Variants in PARD3B observed in about 807,000 individuals in gnomAD.
PARD3B encodes par-3 family cell polarity regulator beta, also known as partitioning defective 3 homolog B.
Under a neutral mutation model 130.2 loss-of-function variants are expected in PARD3B, and 103 were observed. The ratio of observed to expected loss-of-function variants is 0.79; its 90% CI spans 0.67 to 0.93. The LOEUF (loss-of-function observed/expected upper bound fraction) is 0.93, where lower values mean the gene tolerates loss of function less well. PARD3B is among the 40% of genes least tolerant of loss of function. PARD3B has a pLI of 0.00. For synonymous variants in PARD3B, 583 were observed against 553.2 expected (o/e 1.05, Z -0.76); for missense variants, 1,609 against 1,499.2 (o/e 1.07, Z -1.21).
intron 16 of PARD3B, among the ~76,000 whole-genome samples, chr2:205,248,806 ACCATGTTAG>A (rs1275468364): frequency 6.6e-6 from 1 of 150,744 alleles, no homozygotes; most frequent in Non-Finnish European, 1.5e-5. Flanking sequence ...ACAAGGTTTC[ACCATGTTAG>A]CCAGGATGGT....
intron 2 of PARD3B, among the ~76,000 whole-genome samples, chr2:204,716,338 A>C (rs2038724094): frequency 1.3e-5 from 2 of 152,050 alleles, no homozygotes; most frequent in Admixed American, 1.3e-4. Context: ...GGACCTACCA[A>C]ATCAGAATCT....
At chr2:205,199,280 T>C (rs574669129) in intron 15 of PARD3B, among the ~76,000 whole-genome samples, 31 of 152,124 alleles carry the variant, frequency 2.0e-4, no homozygotes, top group African/African-American at 6.7e-4. Context: ...AAGGAAAAAC[T>C]ACCAAAAGGA....
At position 205,421,084 on chromosome 2, in the gene PARD3B, T is replaced by A. The variant is rs975307811; in HGVS notation, c.2742-19286T>A. On this transcript the variant is annotated intron_variant, in intron 19 of 22. Coordinates refer to ENST00000406610, the MANE Select transcript of PARD3B (RefSeq NM_001302769.2). The surrounding 1 kb of genome is among the most constrained non-coding windows in gnomAD (Gnocchi z 5.1). ...TGAACCCGGAGGGAGTGAGCCAAGG[T>A]CATGCCACTACACTCCAGCCTGGTA... is the stretch of plus-strand genomic sequence containing the variant. 2.0e-5 allele frequency among the ~76,000 whole-genome samples: 3 copies of A among 151,908 alleles called. No homozygotes were observed. Among genetic ancestry groups the A allele is most frequent in the African/African-American group, 7.3e-5 (3 of 41,304 alleles).
chr2:205,101,005 T>TA (rs1702744077), intron 4 of PARD3B, among the ~76,000 whole-genome samples: 1 of 152,166 alleles, frequency 6.6e-6, no homozygotes, highest in South Asian at 2.1e-4. Context: ...TTCGTTAACA[T>TA]AAAAAACTTT....
chr2:204,799,819 T>TC lies in PARD3B; in HGVS notation c.222+113541dup, dbSNP rs147883438. Among the ~76,000 whole-genome samples the TC allele has an allele frequency of 0.013, 1,931 of 152,222 alleles. 41 individuals carry two copies. The highest frequency in any genetic ancestry group is 0.044 in the African/African-American group (1,832 of 41,532). The stretch of plus-strand genomic sequence containing the variant: ...GCCATAGTATTATTGGACTGAGGGT[T>TC]CCCCAAATGCAGATATGGCTGCAGT... On this transcript the variant is annotated intron_variant, in intron 2 of 22. Transcript: ENST00000406610. This position sits in a 1 kb window ranked among gnomAD's most constrained non-coding sequence, Gnocchi z 4.1.
chr2:205,317,222 G>A (rs749052901), intron 18 of PARD3B, among the ~76,000 whole-genome samples: 2 of 152,190 alleles, frequency 1.3e-5, no homozygotes, highest in African/African-American at 2.4e-5. Flanking sequence ...TTCTGTAACT[G>A]CCTTCTTGAA....
At chr2:205,503,227 G>A (rs192073902) in intron 21 of PARD3B, among the ~76,000 whole-genome samples, 2 of 152,164 alleles carry the variant, frequency 1.3e-5, no homozygotes, top group Admixed American at 1.3e-4. Flanking sequence ...CAAACAAAAT[G>A]GAACAATAAT....
At chr2:205,422,283 C>T (rs1356442743) in intron 19 of PARD3B, among the ~76,000 whole-genome samples, 1 of 152,124 alleles carries the variant, frequency 6.6e-6, no homozygotes, top group East Asian at 1.9e-4. Flanking sequence ...TGGCATAAGC[C>T]AGAGTCACAG....
intron 18 of PARD3B, among the ~76,000 whole-genome samples, chr2:205,363,817 A>T: frequency 6.9e-6 from 1 of 145,394 alleles, no homozygotes; most frequent in Non-Finnish European, 1.5e-5. Flanking sequence ...GGCATGCGCC[A>T]CAACGCCTGA....
At chr2:205,597,582 T>C (rs534166837) in intron 22 of PARD3B, among the ~76,000 whole-genome samples, 1 of 152,228 alleles carries the variant, frequency 6.6e-6, no homozygotes, top group South Asian at 2.1e-4. Flanking sequence ...TTCAGTCTTC[T>C]TTGAGAAATC....
intron 2 of PARD3B, among the ~76,000 whole-genome samples, chr2:204,910,709 G>A (rs1049959093): frequency 6.6e-6 from 1 of 152,014 alleles, no homozygotes; most frequent in Non-Finnish European, 1.5e-5. Context: ...GCGTGATCTC[G>A]GCTCACTGCA....
At chr2:204,933,920 C>T (rs1688216920) in intron 2 of PARD3B, among the ~76,000 whole-genome samples, 1 of 152,204 alleles carries the variant, frequency 6.6e-6, no homozygotes, top group Admixed American at 6.5e-5. Context: ...TTGCTTGATG[C>T]TTCCTTGTAA....
intron 18 of PARD3B, among the ~76,000 whole-genome samples, chr2:205,336,804 A>G (rs1480719463): frequency 6.6e-6 from 1 of 152,166 alleles, no homozygotes; most frequent in Non-Finnish European, 1.5e-5. Context: ...TAGCTGGGTG[A>G]AGAAAAATGG....
chr2:204,566,692 T>TAAC (rs2031691142), intron 1 of PARD3B, among the ~76,000 whole-genome samples: 1 of 152,196 alleles, frequency 6.6e-6, no homozygotes, highest in South Asian at 2.1e-4. Context: ...AAAGACAAGG[T>TAAC]AAAGACAACT....
intron 3 of PARD3B, among the ~76,000 whole-genome samples, chr2:205,026,284 G>C (rs1463028398): frequency 6.6e-6 from 1 of 152,198 alleles, no homozygotes; most frequent in East Asian, 1.9e-4. Flanking sequence ...GAAAGATAGA[G>C]AGCCAAGGAG....
Position 205,267,010 on chromosome 2 carries a change from G to C in PARD3B, c.2185+21188G>C, listed in dbSNP as rs115895828. Among the ~76,000 whole-genome samples, 435 of 152,178 alleles carry C rather than the reference G, an allele frequency of 2.9e-3. 2 individuals are homozygous for C. Among genetic ancestry groups the C allele is most frequent in the African/African-American group, 9.9e-3 (410 of 41,522 alleles). ...GAAGAAGACAATAAAAGAAAAAAAG[G>C]CATTCCTCTCAAACAATTTGAAATA... On this transcript the variant is annotated intron_variant, in intron 16 of 22. Transcript: ENST00000406610.
At chr2:204,565,644 G>A (rs2031628933) in intron 1 of PARD3B, among the ~76,000 whole-genome samples, 1 of 152,182 alleles carries the variant, frequency 6.6e-6, no homozygotes, top group Non-Finnish European at 1.5e-5. Context: ...TTTGGATTAT[G>A]ATTGACAACA....
In PARD3B at chr2:205,142,881, A is replaced by AAAATAAATAAAT. The variant is rs139843896; in HGVS notation, c.1435-15822_1435-15811dup. ...TGACAGGATGAGACTTCGGTCTCAA[A>AAAATAAATAAAT]AAATAAATAAATAAATAAATAAATA... On this transcript the variant is annotated intron_variant, in intron 10 of 22. Transcript: ENST00000406610. This position sits in a 1 kb window ranked among gnomAD's most constrained non-coding sequence, Gnocchi z 4.3. Among the ~76,000 whole-genome samples the AAAATAAATAAAT allele has an allele frequency of 0.13, 18,528 of 146,548 alleles. 1,415 individuals carry two copies. The highest frequency in any genetic ancestry group is 0.15 in the Non-Finnish European group (9,986 of 66,848).
At chr2:205,052,481 G>A (rs1379093897) in intron 4 of PARD3B, among the ~76,000 whole-genome samples, 1 of 144,086 alleles carries the variant, frequency 6.9e-6, no homozygotes, top group Non-Finnish European at 1.5e-5. Context: ...GCAGATTTGG[G>A]GGTTGTTAAA....
Sources: allele counts gnomAD v4.1 joint callset (sites outside exome capture counted in the v4.1 genomes callset), GRCh38; gene constraint gnomAD v4.1.1; non-coding constraint Gnocchi (gnomAD v3.1); transcripts MANE v1.5; gene names NCBI Gene and HGNC (gene_info 2026-07-23, HGNC 2026-07-21).